GRIK2: variants seen among roughly 807,000 people sequenced by gnomAD.
GRIK2 encodes the protein glutamate ionotropic receptor kainate type subunit 2.
In GRIK2, 32 loss-of-function variants were observed where a neutral mutation model predicts 100.3. The ratio of observed to expected loss-of-function variants is 0.32; its 90% CI spans 0.24 to 0.43. The LOEUF (loss-of-function observed/expected upper bound fraction) is 0.43. Ranked by LOEUF, GRIK2 falls within the 20% of genes least tolerant of loss-of-function variation. GRIK2 has a pLI of 1.00. For synonymous variants in GRIK2, 417 were observed against 389.4 expected (o/e 1.07, Z -0.83); for missense variants, 843 against 1,114.9 (o/e 0.76, Z 3.47).
intron 9 of GRIK2, among the ~76,000 whole-genome samples, chr6:101,807,643 A>G (rs1482463350): frequency 6.6e-6 from 1 of 151,824 alleles, no homozygotes; most frequent in African/African-American, 2.4e-5. Context: ...TTGGTCTAAC[A>G]AAGCAGGGCA....
At chr6:101,529,366 A>G (rs1433042165) in intron 2 of GRIK2, among the ~76,000 whole-genome samples, 1 of 152,094 alleles carries the variant, frequency 6.6e-6, no homozygotes, top group Non-Finnish European at 1.5e-5. Flanking sequence ...CTCACCACTC[A>G]TTAATTGCTT....
At chr6:101,484,926 G>A (rs749437216) in intron 2 of GRIK2, among the ~76,000 whole-genome samples, 2 of 152,018 alleles carry the variant, frequency 1.3e-5, no homozygotes, top group Admixed American at 6.6e-5. Context: ...TTTTATTGGC[G>A]TACCTGACAG....
chr6:101,935,380 A>T (rs1167176717), intron 14 of GRIK2, among the ~76,000 whole-genome samples: 1 of 151,724 alleles, frequency 6.6e-6, no homozygotes, highest in Non-Finnish European at 1.5e-5. Flanking sequence ...GATGTATTTT[A>T]TTTTGTATGT....
At chr6:101,719,982 C>T (rs1774361686) in intron 7 of GRIK2, among the ~76,000 whole-genome samples, 1 of 151,894 alleles carries the variant, frequency 6.6e-6, no homozygotes, top group African/African-American at 2.4e-5. Flanking sequence ...AGAAAAAACA[C>T]CAAGTATTGC....
intron 14 of GRIK2, among the ~76,000 whole-genome samples, chr6:102,026,474 A>G (rs1300356704): frequency 1.3e-5 from 2 of 151,098 alleles, no homozygotes; most frequent in African/African-American, 4.8e-5. Context: ...CTTGATGGCT[A>G]TTATTTATAA....
chr6:101,666,470 C>T (rs188942148), intron 4 of GRIK2, among the ~76,000 whole-genome samples: 130 of 152,318 alleles, frequency 8.5e-4, no homozygotes, highest in Non-Finnish European at 1.7e-3. Context: ...TGAGCTGATG[C>T]CACATAGCTC....
At chr6:101,841,515 C>T (rs748817013) in intron 10 of GRIK2, among the ~76,000 whole-genome samples, 1 of 152,050 alleles carries the variant, frequency 6.6e-6, no homozygotes, top group Non-Finnish European at 1.5e-5. Context: ...AGGCACCCAC[C>T]ACCATGCCCG....
intron 2 of GRIK2, among the ~76,000 whole-genome samples, chr6:101,531,449 T>C (rs141205864): frequency 7.2e-5 from 11 of 152,020 alleles, no homozygotes; most frequent in Non-Finnish European, 1.3e-4. Flanking sequence ...GTAACATATA[T>C]TTGAGAGTCT....
At chr6:101,571,646 T>C (rs1396252392) in intron 2 of GRIK2, among the ~76,000 whole-genome samples, 1 of 152,162 alleles carries the variant, frequency 6.6e-6, no homozygotes, top group East Asian at 1.9e-4. Context: ...TAAAAGAGCA[T>C]ATATGATGAT....
intron 4 of GRIK2, among the ~76,000 whole-genome samples, chr6:101,657,197 T>C (rs1432964427): frequency 2.6e-5 from 4 of 152,206 alleles, no homozygotes; most frequent in Non-Finnish European, 5.9e-5. Flanking sequence ...TTAATTCTCA[T>C]GTGTCTGGGC....
At chr6:101,529,890 A>G (rs1775342775) in intron 2 of GRIK2, among the ~76,000 whole-genome samples, 1 of 152,118 alleles carries the variant, frequency 6.6e-6, no homozygotes, top group South Asian at 2.1e-4. Context: ...TTTATTAACA[A>G]TTGATTAAAG....
chr6:101,416,004 C>T (rs2128239101), intron 2 of GRIK2, among the ~76,000 whole-genome samples: 1 of 152,292 alleles, frequency 6.6e-6, no homozygotes, highest in East Asian at 1.9e-4. Context: ...GTCAATCAAT[C>T]AATCAATCAT....
At chr6:102,051,206 A>C (rs1014026950) in intron 15 of GRIK2, among the ~76,000 whole-genome samples, 10 of 151,860 alleles carry the variant, frequency 6.6e-5, no homozygotes, top group African/African-American at 2.2e-4. Context: ...AAGAGGTTTC[A>C]CTATGTAATA....
At chr6:101,884,694 CAAAT>C (rs1786494471) in intron 11 of GRIK2, among the ~76,000 whole-genome samples, 1 of 151,942 alleles carries the variant, frequency 6.6e-6, no homozygotes, top group African/African-American at 2.4e-5. Flanking sequence ...TATTATTGTA[CAAAT>C]AAATTTTATT....
rs568895110 is a variant in GRIK2, at chr6:101,773,276, C to T, written c.952-26372C>T. The stretch of plus-strand genomic sequence containing the variant: ...CGGGCGGATCACGAGGTGAGGAGAT[C>T]GAGACCATCCTGGCTAACATGGTGA... On this transcript the variant is annotated intron_variant, in intron 7 of 16. Coordinates refer to ENST00000369134, the MANE Select transcript of GRIK2 (RefSeq NM_021956.5). Among the ~76,000 whole-genome samples the T allele has an allele frequency of 1.3e-3, 194 of 152,006 alleles. 2 individuals are homozygous for T. Among genetic ancestry groups the T allele is most frequent in the African/African-American group, 4.1e-3 (172 of 41,456 alleles).
chr6:101,850,361 T>C (rs978782236), intron 10 of GRIK2, among the ~76,000 whole-genome samples: 12 of 151,858 alleles, frequency 7.9e-5, no homozygotes, highest in Non-Finnish European at 1.8e-4. Flanking sequence ...GGTAAATACA[T>C]TGGTTTATTT....
intron 9 of GRIK2, among the ~76,000 whole-genome samples, chr6:101,807,174 A>G (rs73512748): frequency 0.013 from 1,913 of 151,992 alleles, 37 homozygotes; most frequent in African/African-American, 0.043. Context: ...TACCTCCAAC[A>G]TGAGGACAGG....
chr6:101,670,488 G>C (rs1770352945), intron 4 of GRIK2, among the ~76,000 whole-genome samples: 1 of 152,014 alleles, frequency 6.6e-6, no homozygotes, highest in South Asian at 2.1e-4. Context: ...ATCAACATGA[G>C]CTCTTAAGAG....
At chr6:101,622,960 ATCTTT>A (rs1458372909) in intron 3 of GRIK2, among the ~76,000 whole-genome samples, 1 of 151,954 alleles carries the variant, frequency 6.6e-6, no homozygotes, top group African/African-American at 2.4e-5. Flanking sequence ...ATAGTAGGTG[ATCTTT>A]TCTTTTGCAT....
Sources: gnomAD v4.1 joint callset for allele counts (sites outside exome capture counted in the v4.1 genomes callset) on GRCh38, gnomAD v4.1.1 for gene constraint, MANE v1.5 for transcripts, NCBI Gene and HGNC (gene_info 2026-07-23, HGNC 2026-07-21) for gene names.